The following PPP4R3B variants were observed in gnomAD, a reference collection of about 807,000 sequenced individuals.
The protein encoded by PPP4R3B is serine/threonine-protein phosphatase 4 regulatory subunit 3B.
PPP4R3B carries 52 observed loss-of-function variants against 95.4 expected under a neutral mutation model. The observed-to-expected ratio is 0.54, with a 90% CI of 0.44 to 0.69. The LOEUF is 0.69. PPP4R3B is among the 30% of genes least tolerant of loss of function. The pLI, the probability that PPP4R3B is intolerant of heterozygous loss-of-function variation, is 0.00. For missense variants in PPP4R3B, 1,003 were observed against 1,005.9 expected, an observed-to-expected ratio of 1.00 and a Z score of 0.04; for synonymous variants, 407 against 343.9, an observed-to-expected ratio of 1.18 and a Z score of -2.03.
At chr2:55,581,354 G>T (rs572416254) in intron 8 of PPP4R3B, among the ~76,000 whole-genome samples, 61 of 152,254 alleles carry the variant, frequency 4.0e-4, no homozygotes, top group African/African-American at 1.5e-3. Context: ...ACACATAGAG[G>T]CCAAGGGCCA....
chr2:55,558,723 A>C, intron 16 of PPP4R3B, 52 bp downstream of exon 16: 1 of 1,345,878 alleles, frequency 7.4e-7, no homozygotes, highest in Non-Finnish European at 9.9e-7. Flanking sequence ...AAACATGAAA[A>C]AATCTCACAG....
At chr2:55,569,257 C>A (rs1374628441) in intron 12 of PPP4R3B, among the ~76,000 whole-genome samples, 1 of 152,066 alleles carries the variant, frequency 6.6e-6, no homozygotes, top group Non-Finnish European at 1.5e-5. Flanking sequence ...AGACCATGGT[C>A]TAGCGGTAGC....
chr2:55,549,434 T>C lies in PPP4R3B; in HGVS notation c.*477A>G, dbSNP rs1343034478. The C allele has an allele frequency of 6.5e-6, 1 of 153,298 alleles. No homozygotes were observed. The highest frequency in any genetic ancestry group is 1.5e-5 in the Non-Finnish European group (1 of 68,552). 9.5% of individuals were successfully genotyped at this position (153,298 alleles called of 1,614,324 possible). A position where few individuals can be genotyped will look rare whatever the true frequency, so the allele number is the denominator to read the frequency against. The stretch of plus-strand genomic sequence containing the variant: ...CTTAACTTCATTTTTTTAATGATAG[T>C]TGAATGTGTTTTCCATAAAAATTTC... On this transcript the variant is annotated 3_prime_UTR_variant, in exon 17 of 17. Transcript: ENST00000616407.
At chr2:55,586,039 A>C (rs1690091075) in intron 6 of PPP4R3B, among the ~76,000 whole-genome samples, 1 of 152,180 alleles carries the variant, frequency 6.6e-6, no homozygotes, top group Admixed American at 6.5e-5. Context: ...CAGGAAAAAA[A>C]AAGTAAAAAA....
chr2:55,599,177 C>T (rs1692213264), intron 3 of PPP4R3B, 138 bp from the exon 4 acceptor site: 1 of 791,578 alleles, frequency 1.3e-6, no homozygotes, highest in South Asian at 1.9e-5. Context: ...GTGGCTCACG[C>T]CTGTAATCCC....
intron 2 of PPP4R3B, among the ~76,000 whole-genome samples, chr2:55,613,960 A>G (rs555421749): frequency 1.3e-5 from 2 of 152,296 alleles, no homozygotes; most frequent in Admixed American, 1.3e-4. Flanking sequence ...TTAAATGTCT[A>G]CCTTACAATG....
intron 2 of PPP4R3B, among the ~76,000 whole-genome samples, chr2:55,611,219 A>G (rs960128968): frequency 6.6e-6 from 1 of 152,092 alleles, no homozygotes; most frequent in Non-Finnish European, 1.5e-5. Context: ...GGCTACGCAC[A>G]GGCACAATCA....
chr2:55,559,027 T>A, intron 15 of PPP4R3B, 59 bp from the exon 16 acceptor site: 1 of 1,337,436 alleles, frequency 7.5e-7, no homozygotes, highest in Non-Finnish European at 1.0e-6. Context: ...TCAAAACATC[T>A]AAAAACAGCA....
chr2:55,609,675 A>C (rs1693900715), intron 2 of PPP4R3B, among the ~76,000 whole-genome samples: 2 of 152,000 alleles, frequency 1.3e-5, no homozygotes, highest in Admixed American at 6.5e-5. Context: ...CTCAAAAAAA[A>C]AAAAAACAAA....
At chr2:55,581,542 T>A in intron 8 of PPP4R3B, 25 bp downstream of exon 8, 1 of 1,600,822 alleles carries the variant, frequency 6.2e-7, no homozygotes, top group Non-Finnish European at 8.5e-7. Context: ...GGCCAAAACA[T>A]TTTTATCTCA....
chr2:55,613,136 T>C (rs192710285), intron 2 of PPP4R3B, among the ~76,000 whole-genome samples: 2 of 152,150 alleles, frequency 1.3e-5, no homozygotes, highest in Admixed American at 1.3e-4. Context: ...AAGTGCAAAT[T>C]GAAGATTTGG....
intron 4 of PPP4R3B, among the ~76,000 whole-genome samples, chr2:55,589,593 A>C (rs1056770636): frequency 6.6e-6 from 1 of 152,210 alleles, no homozygotes; most frequent in African/African-American, 2.4e-5. Context: ...TAATTTCTAC[A>C]GGCGTTGTCT....
intron 4 of PPP4R3B, among the ~76,000 whole-genome samples, chr2:55,591,954 A>G (rs1164056617): frequency 1.3e-5 from 2 of 152,112 alleles, no homozygotes; most frequent in African/African-American, 4.8e-5. Flanking sequence ...TTTCTTTTCT[A>G]TTTGGTTTTA....
At position 55,598,871 on chromosome 2, in the gene PPP4R3B, G is replaced by C. The variant is rs1428115700; in HGVS notation, c.466C>G (p.Pro156Ala). ...AGAGCCAGCTTTTCCCTACGGATAG[G>C]TGAGGAGAGCACTGAGGTAACTAAG... is the stretch of plus-strand genomic sequence containing the variant. Reference protein sequence around the residue: ...ADLVTSVLSSPIRREKLALAL... With the variant: ...ADLVTSVLSSAIRREKLALAL... The change falls in exon 4 of 17, where the codon CCT becomes GCT. Residue 156 changes from proline (P) to alanine (A), a missense_variant. This residue lies in a region of PPP4R3B where 695 missense variants were observed against 686.2 expected (regional missense o/e 1.01). Transcript: ENST00000616407. The C allele has an allele frequency of 6.2e-7, 1 of 1,614,080 alleles. No individual in the cohort carries two copies. Among genetic ancestry groups the C allele is most frequent in the Admixed American group, 1.7e-5 (1 of 60,012 alleles).
rs1690560760 is a variant in PPP4R3B, at chr2:55,588,892, T to C, written c.986A>G (p.Lys329Arg). 6.2e-7 allele frequency: 1 copy of C among 1,608,060 alleles called. No homozygotes were observed. The highest frequency in any genetic ancestry group is 1.7e-5 in the Admixed American group (1 of 59,680). ...QLTDEATDDD[K>R]RRELVNFFKE... ...TTCATAACTTACCAATTCACGCCGT[T>C]TATCATCATCTGTAGCCTCATCTGT... Residue 329 changes from lysine (K) to arginine (R), a missense_variant, in exon 5 of 17, where the codon AAA (lysine) becomes AGA (arginine). Physicochemically the swap from Lys to Arg is conservative, Grantham distance 26. Transcript: ENST00000616407.
In PPP4R3B at chr2:55,559,848, G is replaced by C. The variant is rs747273930; in HGVS notation, c.2261-880C>G. On this transcript the variant is annotated intron_variant, in intron 15 of 16. Transcript: ENST00000616407. ...TAAAGATACCTGAAAATGGCAGGGC[G>C]CAGTGGCTCACGCCTGTAATCCCAG... Among the ~76,000 whole-genome samples, 20 of 152,260 alleles carry C rather than the reference G, an allele frequency of 1.3e-4. No homozygotes were observed. In the Middle Eastern group the frequency reaches 0.01, roughly 78 times the overall value.
At chr2:55,615,287 A>C (rs1212459276) in intron 2 of PPP4R3B, 164 bp downstream of exon 2, 2 of 591,586 alleles carry the variant, frequency 3.4e-6, no homozygotes, top group Admixed American at 3.6e-5. Flanking sequence ...CAGTACAAAA[A>C]CTTTTTTTCA....
intron 16 of PPP4R3B, among the ~76,000 whole-genome samples, chr2:55,556,816 T>C (rs1043091952): frequency 1.3e-5 from 2 of 152,094 alleles, no homozygotes; most frequent in African/African-American, 4.8e-5. Context: ...CTGTTAATCC[T>C]AACACTGTGG....
intron 4 of PPP4R3B, among the ~76,000 whole-genome samples, chr2:55,595,221 G>A (rs1055802153): frequency 4.0e-5 from 6 of 151,664 alleles, no homozygotes; most frequent in African/African-American, 9.7e-5. Flanking sequence ...ATGGAGTTTC[G>A]CCATGTTGGT....
Sources: gnomAD v4.1 joint callset for allele counts (sites outside exome capture counted in the v4.1 genomes callset) on GRCh38, gnomAD v4.1.1 for gene constraint, gnomAD v4.1.1 regional missense constraint, MANE v1.5 for transcripts, NCBI Gene and HGNC (gene_info 2026-07-23, HGNC 2026-07-21) for gene names.